SAMMSON: variants seen among roughly 807,000 people sequenced by gnomAD.
The protein encoded by SAMMSON is survival associated mitochondrial melanoma specific oncogenic non-coding RNA, also known as long intergenic non-protein coding RNA 1212.
At chr3:70,292,311 A>G (rs183493066) in intron 7 of SAMMSON, among the ~76,000 whole-genome samples, 22 of 152,288 alleles carry the variant, frequency 1.4e-4, no homozygotes, top group Middle Eastern at 3.4e-3. Flanking sequence ...TATAGTATCT[A>G]TCTATTAGAA....
At chr3:70,401,404 GGCAATTACTA>G (rs1296145038) in intron 2 of SAMMSON, among the ~76,000 whole-genome samples, 4 of 152,034 alleles carry the variant, frequency 2.6e-5, no homozygotes, top group South Asian at 2.1e-4. Flanking sequence ...TCTTACATAA[GGCAATTACTA>G]GCATTTAAGG....
At chr3:70,418,424 G>A (rs990840456) in intron 2 of SAMMSON, among the ~76,000 whole-genome samples, 1 of 152,148 alleles carries the variant, frequency 6.6e-6, no homozygotes, top group Non-Finnish European at 1.5e-5. Context: ...GTGGATGTCA[G>A]GGCATCTGTC....
intron 7 of SAMMSON, among the ~76,000 whole-genome samples, chr3:70,334,445 A>G (rs1702646863): frequency 6.6e-6 from 1 of 151,980 alleles, no homozygotes; most frequent in South Asian, 2.1e-4. Context: ...TATGTATATT[A>G]GGGGCACAAG....
At chr3:70,252,078 A>C (rs1195159210) in intron 6 of SAMMSON, among the ~76,000 whole-genome samples, 1 of 152,188 alleles carries the variant, frequency 6.6e-6, no homozygotes. Context: ...TAAGTCTTTC[A>C]ATTCTAAGCT....
At chr3:70,384,771 T>G (rs1216702931) in intron 9 of SAMMSON, among the ~76,000 whole-genome samples, 2 of 152,078 alleles carry the variant, frequency 1.3e-5, no homozygotes, top group African/African-American at 4.8e-5. Context: ...AGTGGTAGAC[T>G]TCAGATTTTC....
intron 4 of SAMMSON, among the ~76,000 whole-genome samples, chr3:70,147,562 A>C (rs2067554421): frequency 6.6e-6 from 1 of 152,078 alleles, no homozygotes; most frequent in Non-Finnish European, 1.5e-5. Flanking sequence ...GAGAAAGCAT[A>C]GTCTTTTCAA....
chr3:70,227,146 GC>G (rs1341187043), intron 4 of SAMMSON, among the ~76,000 whole-genome samples: 1 of 152,144 alleles, frequency 6.6e-6, no homozygotes, highest in Non-Finnish European at 1.5e-5. Flanking sequence ...ACAGGTTAAA[GC>G]AGGACTACAA....
At chr3:70,323,707 T>C (rs949333043) in intron 7 of SAMMSON, among the ~76,000 whole-genome samples, 2 of 152,166 alleles carry the variant, frequency 1.3e-5, no homozygotes, top group Admixed American at 6.5e-5. Flanking sequence ...GGGAAGAAGA[T>C]TGGGGCAGCC....
intron 4 of SAMMSON, among the ~76,000 whole-genome samples, chr3:70,164,886 G>A (rs2067630679): frequency 6.6e-6 from 1 of 151,792 alleles, no homozygotes; most frequent in Admixed American, 6.6e-5. Context: ...AAGACTTTGG[G>A]GCTTTAAAAA....
intron 4 of SAMMSON, among the ~76,000 whole-genome samples, chr3:70,216,901 T>C (rs1218635960): frequency 6.6e-6 from 1 of 152,230 alleles, no homozygotes; most frequent in East Asian, 1.9e-4. Context: ...GAACAACCTA[T>C]TATGCACAGG....
intron 7 of SAMMSON, among the ~76,000 whole-genome samples, chr3:70,332,117 T>A (rs1702625457): frequency 6.6e-6 from 1 of 152,212 alleles, no homozygotes; most frequent in Non-Finnish European, 1.5e-5. Flanking sequence ...GCAAAGGACA[T>A]GGCAATGTAA....
At chr3:70,028,175 CTTCCTTCCTTCCTTTCTTTCTTTCT>C (rs2067049949) in intron 3 of SAMMSON, among the ~76,000 whole-genome samples, 1 of 137,184 alleles carries the variant, frequency 7.3e-6, no homozygotes, top group African/African-American at 2.8e-5. Context: ...TCCTTCCTTC[CTTCCTTCCTTCCTTTCTTTCTTTCT>C]TTCTCTCTTT....
chr3:70,267,528 G>C (rs1241561456), intron 6 of SAMMSON, among the ~76,000 whole-genome samples: 6 of 147,500 alleles, frequency 4.1e-5, no homozygotes, highest in African/African-American at 1.5e-4. Flanking sequence ...TCAGCTTCCC[G>C]AGTAGCTGGG....
At chr3:70,341,147 G>A (rs186464724) in intron 7 of SAMMSON, among the ~76,000 whole-genome samples, 504 of 152,048 alleles carry the variant, frequency 3.3e-3, no homozygotes, top group Non-Finnish European at 4.4e-3. Context: ...GGTGCTTTGG[G>A]ATATAGTTTC....
intron 4 of SAMMSON, among the ~76,000 whole-genome samples, chr3:70,088,693 A>G (rs1337244795): frequency 1.3e-5 from 2 of 152,140 alleles, no homozygotes; most frequent in South Asian, 2.1e-4. Flanking sequence ...CTGTGATAAT[A>G]TTTCTATAAT....
intron 4 of SAMMSON, among the ~76,000 whole-genome samples, chr3:70,083,157 G>A (rs576831285): frequency 5.3e-5 from 8 of 152,308 alleles, no homozygotes; most frequent in Non-Finnish European, 1.0e-4. Context: ...AGAAGCAAAA[G>A]CACTCACTTT....
chr3:70,043,146 G>A (rs1018519738), intron 3 of SAMMSON, among the ~76,000 whole-genome samples: 2 of 152,106 alleles, frequency 1.3e-5, no homozygotes, highest in East Asian at 3.9e-4. Context: ...GTTACAAGGG[G>A]CTGTTTGAGA....
intron 4 of SAMMSON, among the ~76,000 whole-genome samples, chr3:70,078,511 C>T (rs1391688644): frequency 6.6e-6 from 1 of 152,134 alleles, no homozygotes; most frequent in Admixed American, 6.5e-5. Flanking sequence ...AGATTCCCCA[C>T]ATTCTTGAGC....
intron 3 of SAMMSON, among the ~76,000 whole-genome samples, chr3:70,050,595 G>T (rs2067142388): frequency 6.6e-6 from 1 of 152,232 alleles, no homozygotes; most frequent in East Asian, 1.9e-4. Context: ...AGAAGTTAAA[G>T]GTTAGTTTAA....
Sources: gnomAD v4.1 joint callset for allele counts (sites outside exome capture counted in the v4.1 genomes callset) on GRCh38, gnomAD v4.1.1 for gene constraint, MANE v1.5 for transcripts, NCBI Gene and HGNC (gene_info 2026-07-23, HGNC 2026-07-21) for gene names.